CNPY1: variants seen among roughly 807,000 people sequenced by gnomAD.
CNPY1 encodes canopy FGF signaling regulator 1, also known as protein canopy homolog 1.
In CNPY1, 14 loss-of-function variants were observed where a neutral mutation model predicts 14.4. The observed-to-expected ratio is 0.97, with a 90% confidence interval of 0.64 to 1.52. The LOEUF is 1.52. CNPY1 is among the 40% of genes most tolerant of loss of function. The pLI, the probability that CNPY1 is intolerant of heterozygous loss-of-function variation, is 0.00. For synonymous variants in CNPY1, 43 were observed against 46.5 expected, an observed-to-expected ratio of 0.92 and a Z score of 0.31; for missense variants, 129 against 131.5, an observed-to-expected ratio of 0.98 and a Z score of 0.09.
chr7:155,522,454 G>A (rs1796744322), intron 2 of CNPY1, among the ~76,000 whole-genome samples: 1 of 152,388 alleles, frequency 6.6e-6, no homozygotes, highest in Middle Eastern at 3.4e-3. Flanking sequence ...CCTGCTGGGG[G>A]CTTCCATCCC....
chr7:155,533,762 G>C (rs1028271216), intron 2 of CNPY1: 1 of 152,234 alleles, frequency 6.6e-6, no homozygotes, highest in African/African-American at 2.4e-5. Context: ...GTAATTACCT[G>C]CTCCCTGTAG....
intron 2 of CNPY1, among the ~76,000 whole-genome samples, chr7:155,520,579 A>G (rs2116714243): frequency 6.6e-6 from 1 of 151,442 alleles, no homozygotes; most frequent in Non-Finnish European, 1.5e-5. Context: ...CTGGGATTAC[A>G]GCAGTTGTCT....
chr7:155,509,817 C>T (rs1283107839), intron 2 of CNPY1, among the ~76,000 whole-genome samples: 4 of 152,166 alleles, frequency 2.6e-5, no homozygotes, highest in Non-Finnish European at 5.9e-5. Flanking sequence ...CGGAATTCGG[C>T]GAGGATTCAG....
intron 2 of CNPY1, among the ~76,000 whole-genome samples, chr7:155,524,985 T>C (rs901905138): frequency 6.6e-6 from 1 of 152,110 alleles, no homozygotes; most frequent in African/African-American, 2.4e-5. Context: ...GCTGCACCTG[T>C]TGTATTTATG....
chr7:155,519,685 C>A (rs1363558922), intron 2 of CNPY1, among the ~76,000 whole-genome samples: 2 of 152,032 alleles, frequency 1.3e-5, no homozygotes, highest in Non-Finnish European at 2.9e-5. Flanking sequence ...TAAATAAAAT[C>A]TTTTGTGTTG....
chr7:155,535,904 C>G (rs1001409242), intron 2 of CNPY1, among the ~76,000 whole-genome samples: 1 of 152,208 alleles, frequency 6.6e-6, no homozygotes, highest in Non-Finnish European at 1.5e-5. Context: ...CTGGAGAAGA[C>G]TACAACATCT....
chr7:155,519,911 A>G (rs1266050819), intron 2 of CNPY1, among the ~76,000 whole-genome samples: 6 of 152,238 alleles, frequency 3.9e-5, no homozygotes, highest in Non-Finnish European at 8.8e-5. Flanking sequence ...AGAGTGCTCA[A>G]TAAGAATTCA....
chr7:155,517,837 A>G (rs1042799503), intron 2 of CNPY1, among the ~76,000 whole-genome samples: 1 of 152,230 alleles, frequency 6.6e-6, no homozygotes, highest in African/African-American at 2.4e-5. Context: ...TAATCAAGTA[A>G]TTGGTTGGAA....
intron 4 of CNPY1, among the ~76,000 whole-genome samples, chr7:155,506,365 G>A (rs555465225): frequency 3.3e-5 from 5 of 152,280 alleles, no homozygotes; most frequent in Admixed American, 6.5e-5. Context: ...CCAACAGAGC[G>A]GAGAGTCAGT....
chr7:155,514,526 T>C (rs934449804), intron 2 of CNPY1, among the ~76,000 whole-genome samples: 1 of 152,206 alleles, frequency 6.6e-6, no homozygotes, highest in African/African-American at 2.4e-5. Context: ...AGTCCTATTT[T>C]TGGAATCTGT....
chr7:155,502,842 G>T lies in CNPY1; in HGVS notation c.*226C>A. On this transcript the variant is annotated 3_prime_UTR_variant, in exon 5 of 5. Coordinates refer to ENST00000636446, the MANE Select transcript of CNPY1 (RefSeq NM_001393663.1). ...GCTTGATTTATCAAAATCTGCAAAG[G>T]TTAATTTAAGTTTCATGTACTCCTC... is the stretch of plus-strand genomic sequence containing the variant. 1 of 505,346 alleles carries T rather than the reference G, an allele frequency of 2.0e-6. No homozygotes were observed. The highest frequency in any genetic ancestry group is 2.9e-5 in the East Asian group (1 of 34,308). 31.3% of individuals were successfully genotyped at this position (505,346 alleles called of 1,614,324 possible). A position where few individuals can be genotyped will look rare whatever the true frequency, so the allele number is the denominator to read the frequency against.
chr7:155,535,310 C>G (rs551937636), intron 2 of CNPY1, among the ~76,000 whole-genome samples: 2 of 152,092 alleles, frequency 1.3e-5, no homozygotes, highest in East Asian at 3.9e-4. Flanking sequence ...TGAGCTGTGC[C>G]GGACCAACAG....
chr7:155,503,291 C>T (rs796923523), intron 4 of CNPY1, among the ~76,000 whole-genome samples, 186 bp from the exon 5 acceptor site: 23 of 152,130 alleles, frequency 1.5e-4, no homozygotes, highest in African/African-American at 5.3e-4. Context: ...AATCTATTCC[C>T]CTGCACCCCA....
rs749662605 is a variant in CNPY1, at chr7:155,509,016, C to T, written c.181G>A (p.Glu61Lys). ...GTTCTCTCCTTCGTCACAGGGTCTT[C>T]CTCAAGCTTGTAGTCGTTCATTCGC... is the stretch of plus-strand genomic sequence containing the variant. ...CERMNDYKLE[E>K]DPVTKERTFK... Residue 61 changes from glutamate to lysine, a missense_variant, in exon 3 of 5, where the codon GAA becomes AAA. Coordinates refer to ENST00000636446, the MANE Select transcript of CNPY1 (RefSeq NM_001393663.1). 16 of 1,613,682 alleles carry T rather than the reference C, an allele frequency of 9.9e-6. No homozygotes were observed. Among genetic ancestry groups the T allele is most frequent in the Non-Finnish European group, 1.0e-5 (12 of 1,179,848 alleles).
intron 2 of CNPY1, among the ~76,000 whole-genome samples, chr7:155,520,419 TCTTTCTTTC>T (rs1188214407): frequency 2.1e-5 from 3 of 144,368 alleles, no homozygotes; most frequent in Admixed American, 7.4e-5. Context: ...TTTCTTTCTT[TCTTTCTTTC>T]TTTTTTTTTT....
At chr7:155,507,945 T>A (rs562468123) in intron 3 of CNPY1, among the ~76,000 whole-genome samples, 5 of 152,256 alleles carry the variant, frequency 3.3e-5, no homozygotes, top group Non-Finnish European at 7.3e-5. Context: ...TAAATTCGAC[T>A]CTAATGTGCC....
At chr7:155,531,222 C>T (rs954716388) in intron 2 of CNPY1, among the ~76,000 whole-genome samples, 7 of 152,186 alleles carry the variant, frequency 4.6e-5, no homozygotes, top group African/African-American at 1.4e-4. Context: ...ACGGTGTGAC[C>T]ACTCACTCTC....
At chr7:155,543,382 G>C (rs1319177293) in intron 2 of CNPY1, among the ~76,000 whole-genome samples, 4 of 152,096 alleles carry the variant, frequency 2.6e-5, no homozygotes, top group Non-Finnish European at 4.4e-5. Flanking sequence ...CACCAGCCTG[G>C]CCCCCATCCA....
intron 4 of CNPY1, among the ~76,000 whole-genome samples, chr7:155,504,689 A>AACACACACACACACACACAC (rs61377945): frequency 1.3e-4 from 19 of 145,294 alleles, no homozygotes; most frequent in African/African-American, 4.6e-4. Flanking sequence ...CATACCCCCC[A>AACACACACACACACACACAC]ACACACACAC....
Sources: allele counts gnomAD v4.1 joint callset (sites outside exome capture counted in the v4.1 genomes callset), GRCh38; gene constraint gnomAD v4.1.1; transcripts MANE v1.5; gene names NCBI Gene and HGNC (gene_info 2026-07-23, HGNC 2026-07-21).